MAGT1: variants seen among roughly 807,000 people sequenced by gnomAD.
MAGT1 encodes magnesium transporter 1, also known as dolichyl-diphosphooligosaccharide--protein glycosyltransferase subunit MAGT1.
A neutral mutation model predicts 28.4 loss-of-function variants in MAGT1; 4 were observed. That is an observed-to-expected ratio of 0.14 (90% CI 0.07 to 0.32). MAGT1 has a LOEUF of 0.32. Ranked by LOEUF, MAGT1 falls within the 10% of genes least tolerant of loss-of-function variation. MAGT1 has a pLI of 1.00. For synonymous variants in MAGT1, 89 were observed against 89.7 expected, an observed-to-expected ratio of 0.99 and a Z score of 0.04; for missense variants, 193 against 264.5, an observed-to-expected ratio of 0.73 and a Z score of 1.88.
chrX:77,876,378 T>G (rs2077035176), intron 1 of MAGT1, among the ~76,000 whole-genome samples: 1 of 108,187 alleles, frequency 9.2e-6, no homozygotes, highest in African/African-American at 3.4e-5. Flanking sequence ...CAAAGAATGT[T>G]GAGTTAAACC....
intron 7 of MAGT1, among the ~76,000 whole-genome samples, chrX:77,844,484 G>A (rs1203649740): frequency 1.8e-5 from 2 of 110,990 alleles, no homozygotes; most frequent in Admixed American, 1.9e-4. Flanking sequence ...CTTGCCTTCT[G>A]CTAGCTTTTG....
chrX:77,883,414 C>T (rs2149028149), intron 1 of MAGT1, among the ~76,000 whole-genome samples: 1 of 108,183 alleles, frequency 9.2e-6, no homozygotes, highest in South Asian at 3.8e-4. Flanking sequence ...AGACTTCTGG[C>T]TATTCTTTCT....
intron 1 of MAGT1, among the ~76,000 whole-genome samples, chrX:77,889,468 T>A: frequency 9.6e-6 from 1 of 104,403 alleles, no homozygotes; most frequent in Non-Finnish European, 2.0e-5. Context: ...GCCTCCCGGG[T>A]TCACGCCATT....
intron 3 of MAGT1, chrX:77,868,695 C>A: frequency 3.5e-6 from 1 of 287,479 alleles, no homozygotes; most frequent in South Asian, 3.4e-5. Flanking sequence ...TGGCAAGTGC[C>A]TGTAATCCCA....
chrX:77,889,117 G>A (rs2077074646), intron 1 of MAGT1, among the ~76,000 whole-genome samples: 1 of 103,496 alleles, frequency 9.7e-6, no homozygotes, highest in Non-Finnish European at 2.0e-5. Context: ...TGGGACTACA[G>A]GCACACACCA....
At chrX:77,854,504 G>C (rs782397359) in intron 6 of MAGT1, among the ~76,000 whole-genome samples, 79 of 110,991 alleles carry the variant, frequency 7.1e-4, no homozygotes, top group Non-Finnish European at 1.2e-3. Context: ...TGTTGTTGTT[G>C]TTTTTTCTTT....
intron 8 of MAGT1, among the ~76,000 whole-genome samples, chrX:77,840,059 A>G (rs2076930609): frequency 9.0e-6 from 1 of 110,743 alleles, no homozygotes; most frequent in Non-Finnish European, 1.9e-5. Flanking sequence ...ACAGAGGACC[A>G]CACAGTTATT....
chrX:77,845,621 C>T (rs782089223), intron 7 of MAGT1, among the ~76,000 whole-genome samples: 12 of 111,437 alleles, frequency 1.1e-4, no homozygotes, highest in Admixed American at 1.9e-4. Flanking sequence ...GAGCTCTTGT[C>T]GGGCAGGCCT....
In MAGT1 at chrX:77,837,326, C is replaced by T. The variant is rs1452558627; in HGVS notation, c.901+3920G>A. On this transcript the variant is annotated intron_variant, in intron 8 of 9. Transcript: ENST00000618282. ...GCAGCATATATACTAAAACTGGAAT[C>T]ATACAGAGAAGATTAGCATGGCCCC... 2.7e-5 allele frequency: 3 copies of T among 111,917 alleles called. No individual in the cohort carries two copies. The East Asian group carries it at 8.3e-4, about 31-fold the overall frequency. 9.2% of individuals were successfully genotyped at this position (111,917 alleles called of 1,213,427 possible).
chrX:77,855,309 G>A (rs1281695422), intron 6 of MAGT1, among the ~76,000 whole-genome samples, 192 bp downstream of exon 6: 4 of 108,937 alleles, frequency 3.7e-5, no homozygotes, highest in African/African-American at 1.3e-4. Flanking sequence ...GCAAATCTCC[G>A]TTTCGAAAAA....
At chrX:77,859,952 T>G (rs1407859365) in intron 3 of MAGT1, among the ~76,000 whole-genome samples, 2 of 112,140 alleles carry the variant, frequency 1.8e-5, no homozygotes, top group Non-Finnish European at 3.8e-5. Context: ...CAGTAATGTA[T>G]CCATTTCCCT....
At chrX:77,838,279 A>AC (rs782058473) in intron 8 of MAGT1, among the ~76,000 whole-genome samples, 3 of 109,353 alleles carry the variant, frequency 2.7e-5, no homozygotes, top group Non-Finnish European at 5.7e-5. Context: ...ATAAAGTGAG[A>AC]CCCCATCTCT....
intron 8 of MAGT1, among the ~76,000 whole-genome samples, chrX:77,832,822 CAAAAA>C (rs72197791): frequency 9.3e-5 from 3 of 32,347 alleles, no homozygotes; most frequent in Non-Finnish European, 9.7e-5. Flanking sequence ...GCCTCTGTCT[CAAAAA>C]AAAAAAAAAA....
chrX:77,841,682 T>A (rs2076935116), intron 7 of MAGT1, among the ~76,000 whole-genome samples: 1 of 106,674 alleles, frequency 9.4e-6, no homozygotes, highest in Non-Finnish European at 1.9e-5. Context: ...TAAATGGCTT[T>A]TTTTTTTTTT....
chrX:77,871,600 T>C (rs1015947332), intron 2 of MAGT1, among the ~76,000 whole-genome samples: 2 of 111,309 alleles, frequency 1.8e-5, no homozygotes, highest in South Asian at 3.8e-4. Context: ...TCCCAGCACG[T>C]TGGGAGGCTG....
chrX:77,889,236 C>T (rs1450462065), intron 1 of MAGT1, among the ~76,000 whole-genome samples: 2 of 104,149 alleles, frequency 1.9e-5, no homozygotes, highest in African/African-American at 7.0e-5. Flanking sequence ...CCACTTTGGC[C>T]TCCCAAAGTG....
rs1445471999 is a variant in MAGT1 at position 77,844,284 on chromosome X, C to T, written c.827-2964G>A. 1.9e-4 allele frequency among the ~76,000 whole-genome samples: 21 copies of T among 111,409 alleles called. 1 individual carries two copies. Among genetic ancestry groups the T allele is most frequent in the South Asian group, 1.1e-3 (3 of 2,700 alleles). On this transcript the variant is annotated intron_variant, in intron 7 of 9. Coordinates refer to ENST00000618282, the MANE Select transcript of MAGT1 (RefSeq NM_001367916.1). ...ATGGTAGTTTGTATTTCTGTGGGAT[C>T]GGTGATGATATCCCCTTTATCATTT...
Position 77,863,098 on chromosome X carries a change from C to T in MAGT1, c.391-5601G>A, listed in dbSNP as rs187350337. The stretch of plus-strand genomic sequence containing the variant: ...AGGAGAATCGCTTGAACCCAGGAAG[C>T]GGAGGTTGCAGTGAGCCGAAATCTG... On this transcript the variant is annotated intron_variant, in intron 3 of 9. Coordinates refer to ENST00000618282, the MANE Select transcript of MAGT1 (RefSeq NM_001367916.1). Among the ~76,000 whole-genome samples the T allele has an allele frequency of 3.9e-4, 43 of 109,219 alleles. 1 individual carries two copies. The highest frequency in any genetic ancestry group is 3.1e-3 in the Admixed American group (31 of 10,036). The allele number at this position is 109,219 out of a possible 115,157, so 94.8% of individuals were successfully genotyped here. A position where few individuals can be genotyped will look rare whatever the true frequency, so the allele number is the denominator to read the frequency against.
intron 1 of MAGT1, among the ~76,000 whole-genome samples, chrX:77,888,553 T>A (rs1557219179): frequency 8.9e-6 from 1 of 111,741 alleles, no homozygotes; most frequent in African/African-American, 3.2e-5. Flanking sequence ...GCTTGCATAA[T>A]ATTTAACTTG....
Sources: allele counts gnomAD v4.1 joint callset (sites outside exome capture counted in the v4.1 genomes callset), GRCh38; gene constraint gnomAD v4.1.1; transcripts MANE v1.5; gene names NCBI Gene and HGNC (gene_info 2026-07-23, HGNC 2026-07-21).